The following LRRTM4 variants were observed in gnomAD, a reference collection of about 807,000 sequenced individuals.
LRRTM4 encodes leucine-rich repeat transmembrane neuronal protein 4.
In LRRTM4, 25 loss-of-function variants were observed where a neutral mutation model predicts 47.6. That is an observed-to-expected ratio of 0.53 (90% CI 0.38 to 0.73). The LOEUF is 0.73. Ranked by LOEUF, LRRTM4 falls within the 30% of genes least tolerant of loss-of-function variation. The pLI, the probability that LRRTM4 is intolerant of heterozygous loss-of-function variation, is 0.00. For missense variants in LRRTM4, 638 were observed against 713.4 expected (o/e 0.89, Z 1.20); for synonymous variants, 311 against 269.5 (o/e 1.15, Z -1.51).
chr2:77,020,533 A>G (rs1198300569), intron 3 of LRRTM4, among the ~76,000 whole-genome samples: 2 of 152,194 alleles, frequency 1.3e-5, no homozygotes, highest in African/African-American at 2.4e-5. Context: ...CGACAGAATA[A>G]TCTATTTTTA....
At chr2:76,981,185 T>A (rs1489319946) in intron 3 of LRRTM4, among the ~76,000 whole-genome samples, 1 of 152,272 alleles carries the variant, frequency 6.6e-6, no homozygotes, top group Admixed American at 6.5e-5. Flanking sequence ...TTCATTGACT[T>A]TGTTTTAGCC....
chr2:77,482,355 A>G (rs910544982), intron 3 of LRRTM4, among the ~76,000 whole-genome samples: 1 of 152,170 alleles, frequency 6.6e-6, no homozygotes, highest in Non-Finnish European at 1.5e-5. Flanking sequence ...GAAATAAATG[A>G]AGAGGCAGAG....
chr2:77,354,813 A>C (rs1671911295), intron 3 of LRRTM4, among the ~76,000 whole-genome samples: 1 of 152,120 alleles, frequency 6.6e-6, no homozygotes, highest in Non-Finnish European at 1.5e-5. Context: ...TCTACCTCTC[A>C]ATCTACAGGC....
chr2:77,311,338 G>C (rs1573233661), intron 3 of LRRTM4, among the ~76,000 whole-genome samples: 1 of 152,162 alleles, frequency 6.6e-6, no homozygotes, highest in East Asian at 1.9e-4. Context: ...TTTCTTCTGG[G>C]GCTCAGGAGG....
At chr2:77,476,232 T>C (rs749683610) in intron 3 of LRRTM4, among the ~76,000 whole-genome samples, 2 of 148,560 alleles carry the variant, frequency 1.3e-5, no homozygotes, top group African/African-American at 4.9e-5. Flanking sequence ...AGTTGTCTTA[T>C]AAGTGCTATG....
rs71656252 is a variant in LRRTM4, at chr2:77,351,614, T to TTATATATATATATATATATA, written c.1551+166684_1551+166703dup. 3.1e-3 allele frequency among the ~76,000 whole-genome samples: 422 copies of TTATATATATATATATATATA among 135,302 alleles called. 5 individuals are homozygous for TTATATATATATATATATATA. The highest frequency in any genetic ancestry group is 0.011 in the African/African-American group (407 of 35,568). 88.8% of individuals were successfully genotyped at this position (135,302 alleles called of 152,430 possible). A position where few individuals can be genotyped will look rare whatever the true frequency, so the allele number is the denominator to read the frequency against. On this transcript the variant is annotated intron_variant, in intron 3 of 3. Transcript: ENST00000409884. ...ATGCTTTTGTGAAACCATGACAAAT[T>TTATATATATATATATATATA]TATATATATATATATATATATATAT...
chr2:77,091,535 T>C (rs200780142), intron 3 of LRRTM4, among the ~76,000 whole-genome samples: 30 of 150,222 alleles, frequency 2.0e-4, no homozygotes, highest in East Asian at 6.0e-4. Flanking sequence ...CAAATTGTTT[T>C]GCCTGTCCAC....
intron 3 of LRRTM4, among the ~76,000 whole-genome samples, chr2:77,346,205 A>G (rs537352795): frequency 1.3e-5 from 2 of 152,198 alleles, no homozygotes; most frequent in East Asian, 3.9e-4. Flanking sequence ...ATCTAGGGAC[A>G]AGTTGATACA....
intron 3 of LRRTM4, among the ~76,000 whole-genome samples, chr2:76,804,247 A>T (rs543363332): frequency 2.0e-5 from 3 of 152,280 alleles, no homozygotes; most frequent in Non-Finnish European, 4.4e-5. Context: ...AGAAACAGGC[A>T]TTCTATTGTA....
intron 3 of LRRTM4, among the ~76,000 whole-genome samples, chr2:76,755,474 T>C (rs1672995036): frequency 6.6e-6 from 1 of 152,162 alleles, no homozygotes. Flanking sequence ...TTCGTGTTTC[T>C]TTTTTCATCA....
chr2:77,372,950 A>C, intron 3 of LRRTM4, among the ~76,000 whole-genome samples: 1 of 71,270 alleles, frequency 1.4e-5, no homozygotes, highest in Non-Finnish European at 4.0e-5. Context: ...ACTTCTGAAT[A>C]AAAAAAAAAG....
intron 3 of LRRTM4, among the ~76,000 whole-genome samples, chr2:77,499,332 T>C (rs190089763): frequency 7.5e-4 from 114 of 152,034 alleles, no homozygotes; most frequent in African/African-American, 2.6e-3. Context: ...TTTGGTTTTG[T>C]CCAGAAATGT....
intron 3 of LRRTM4, among the ~76,000 whole-genome samples, chr2:76,864,719 A>G (rs896524700): frequency 6.6e-6 from 1 of 151,084 alleles, no homozygotes; most frequent in African/African-American, 2.4e-5. Flanking sequence ...ATCCCATTCA[A>G]TTTTTTCCCT....
At chr2:77,281,880 T>TA (rs1394748513) in intron 3 of LRRTM4, among the ~76,000 whole-genome samples, 5 of 151,824 alleles carry the variant, frequency 3.3e-5, no homozygotes, top group Non-Finnish European at 5.9e-5. Flanking sequence ...GCATGCTACA[T>TA]AAAAAAATTA....
chr2:77,009,126 A>G (rs1439564978), intron 3 of LRRTM4: 3 of 152,144 alleles, frequency 2.0e-5, no homozygotes, highest in Admixed American at 2.0e-4. Context: ...TGTCAAAATC[A>G]CTCTGGCACT....
At chr2:76,894,529 G>A (rs542151421) in intron 3 of LRRTM4, among the ~76,000 whole-genome samples, 1 of 152,124 alleles carries the variant, frequency 6.6e-6, no homozygotes, top group Admixed American at 6.6e-5. Flanking sequence ...AAAACAACAG[G>A]TCAGTTGATT....
intron 3 of LRRTM4, among the ~76,000 whole-genome samples, chr2:76,916,310 G>A (rs1001919460): frequency 1.1e-4 from 16 of 148,688 alleles, no homozygotes; most frequent in Non-Finnish European, 2.1e-4. Context: ...GCGTGAACCC[G>A]GTAGGTGGAG....
intron 3 of LRRTM4, among the ~76,000 whole-genome samples, chr2:77,299,079 G>A (rs1677051664): frequency 1.3e-5 from 2 of 152,026 alleles, no homozygotes; most frequent in Admixed American, 6.6e-5. Context: ...ATGAGACACA[G>A]GGAGATTCCT....
chr2:77,147,004 T>C (rs546522121), intron 3 of LRRTM4, among the ~76,000 whole-genome samples: 89 of 152,312 alleles, frequency 5.8e-4, no homozygotes, highest in African/African-American at 2.1e-3. Context: ...TCTGATTTTA[T>C]AAAAATAATA....
Sources: gnomAD v4.1 joint callset for allele counts (sites outside exome capture counted in the v4.1 genomes callset) on GRCh38, gnomAD v4.1.1 for gene constraint, MANE v1.5 for transcripts, NCBI Gene and HGNC (gene_info 2026-07-23, HGNC 2026-07-21) for gene names.